Variants in KAZN observed in about 807,000 individuals in gnomAD.
KAZN encodes the protein kazrin, periplakin interacting protein.
In KAZN, 40 loss-of-function variants were observed where a neutral mutation model predicts 87.4. The observed-to-expected ratio is 0.46, with a 90% CI of 0.36 to 0.60. The LOEUF (loss-of-function observed/expected upper bound fraction) is 0.60. KAZN is among the 20% of genes least tolerant of loss of function. The pLI is 0.00. For missense variants in KAZN, 898 were observed against 1,073.9 expected (o/e 0.84, Z 2.29); for synonymous variants, 466 against 458.3 (o/e 1.02, Z -0.22).
intron 1 of KAZN, among the ~76,000 whole-genome samples, chr1:14,693,162 A>T (rs1382931544): frequency 1.3e-5 from 2 of 152,170 alleles, no homozygotes; most frequent in Non-Finnish European, 2.9e-5. Context: ...AGTGGTCCTC[A>T]AGGTTGTTTT....
chr1:15,079,549 C>T (rs1444640383), intron 8 of KAZN, among the ~76,000 whole-genome samples: 3 of 152,112 alleles, frequency 2.0e-5, no homozygotes, highest in Non-Finnish European at 4.4e-5. Context: ...CCACAGCCAT[C>T]CATCGCCCCC....
intron 2 of KAZN, among the ~76,000 whole-genome samples, chr1:14,589,592 A>C (rs754489548): frequency 6.6e-6 from 1 of 152,196 alleles, no homozygotes; most frequent in Non-Finnish European, 1.5e-5. Flanking sequence ...TGTTGGAATA[A>C]TTTAGTATTG....
At chr1:15,043,357 A>C (rs186368817) in intron 3 of KAZN, among the ~76,000 whole-genome samples, 25 of 152,354 alleles carry the variant, frequency 1.6e-4, no homozygotes, top group Middle Eastern at 6.8e-3. Flanking sequence ...ACGTGAAGTC[A>C]TTCAATCTTT....
chr1:14,562,935 C>A (rs1308605414), intron 2 of KAZN, among the ~76,000 whole-genome samples: 1 of 152,228 alleles, frequency 6.6e-6, no homozygotes, highest in East Asian at 1.9e-4. Flanking sequence ...TAAGACAACT[C>A]ATCTCCGAGG....
At chr1:14,849,785 C>A (rs866134733) in intron 1 of KAZN, among the ~76,000 whole-genome samples, 14 of 152,194 alleles carry the variant, frequency 9.2e-5, no homozygotes, top group Non-Finnish European at 2.1e-4. Context: ...CTGCCTTTAT[C>A]ATTCATCCAT....
chr1:15,006,582 C>T (rs1272886830), intron 2 of KAZN, among the ~76,000 whole-genome samples: 3 of 152,352 alleles, frequency 2.0e-5, no homozygotes, highest in African/African-American at 7.2e-5. Flanking sequence ...CACATATTTA[C>T]TGAATACCTA....
chr1:14,221,231 G>A (rs2100499761), intron 2 of KAZN, among the ~76,000 whole-genome samples: 1 of 152,178 alleles, frequency 6.6e-6, no homozygotes, highest in African/African-American at 2.4e-5. Flanking sequence ...TTTAGACTCA[G>A]TGCTTGACCT....
chr1:14,481,488 T>G (rs1433862451), intron 2 of KAZN, among the ~76,000 whole-genome samples: 1 of 152,128 alleles, frequency 6.6e-6, no homozygotes, highest in Non-Finnish European at 1.5e-5. Flanking sequence ...CCAAGTTCTA[T>G]CTCCTGAACC....
intron 2 of KAZN, among the ~76,000 whole-genome samples, chr1:14,320,916 C>G (rs922502432): frequency 6.6e-6 from 1 of 152,164 alleles, no homozygotes; most frequent in African/African-American, 2.4e-5. Context: ...TCTCTTCCAG[C>G]TCTAACAGTG....
At chr1:14,264,692 C>T (rs971513943) in intron 2 of KAZN, among the ~76,000 whole-genome samples, 2 of 152,154 alleles carry the variant, frequency 1.3e-5, no homozygotes, top group Non-Finnish European at 2.9e-5. Context: ...AATTTGTTTT[C>T]CTTATAAATT....
chr1:14,266,278 C>T (rs1651468437), intron 2 of KAZN, among the ~76,000 whole-genome samples: 2 of 152,180 alleles, frequency 1.3e-5, no homozygotes. Context: ...CAGGTTAAAA[C>T]CCAGCACTTT....
At chr1:14,395,024 C>T (rs757077504) in intron 2 of KAZN, among the ~76,000 whole-genome samples, 2 of 152,208 alleles carry the variant, frequency 1.3e-5, no homozygotes, top group Non-Finnish European at 2.9e-5. Flanking sequence ...TCTGCTTCCT[C>T]AGTGCCTAGC....
chr1:14,000,954 T>C (rs1639761456), intron 1 of KAZN, among the ~76,000 whole-genome samples: 2 of 151,890 alleles, frequency 1.3e-5, no homozygotes, highest in African/African-American at 4.8e-5. Flanking sequence ...GGCTAATTTT[T>C]TGTATTTTTA....
intron 2 of KAZN, among the ~76,000 whole-genome samples, chr1:14,574,813 T>C (rs1675080659): frequency 6.6e-6 from 1 of 152,118 alleles, no homozygotes; most frequent in South Asian, 2.1e-4. Flanking sequence ...AAACTGACAG[T>C]GGCAGGATCA....
chr1:14,170,665 C>T (rs193074657), intron 1 of KAZN, among the ~76,000 whole-genome samples: 3 of 152,266 alleles, frequency 2.0e-5, no homozygotes, highest in Admixed American at 2.0e-4. Context: ...CAAAAGGAAA[C>T]CCTGTACTCA....
chr1:14,999,946 A>T (rs10449296), intron 2 of KAZN, among the ~76,000 whole-genome samples: 67,143 of 152,036 alleles, frequency 0.44, 18,883 homozygotes, highest in African/African-American at 0.8. Context: ...AGCCTGTGGT[A>T]AGCTAAATAA....
chr1:14,977,474 G>A (rs12084008), intron 2 of KAZN, among the ~76,000 whole-genome samples: 28,450 of 152,136 alleles, frequency 0.19, 2,972 homozygotes, highest in African/African-American at 0.26. Context: ...CCCTGTCCTG[G>A]GCACTGACCT....
chr1:14,974,695 C>T (rs924366206), intron 2 of KAZN, among the ~76,000 whole-genome samples: 2 of 152,148 alleles, frequency 1.3e-5, no homozygotes, highest in Non-Finnish European at 2.9e-5. Context: ...TACTGAGTGA[C>T]AGAGTCCAGG....
chr1:15,018,404 G>T (rs1670340041), intron 2 of KAZN, among the ~76,000 whole-genome samples: 1 of 152,114 alleles, frequency 6.6e-6, no homozygotes, highest in African/African-American at 2.4e-5. Context: ...CCCTGGCTGG[G>T]GGTTGGTGGT....
Sources: allele counts gnomAD v4.1 joint callset (sites outside exome capture counted in the v4.1 genomes callset), GRCh38; gene constraint gnomAD v4.1.1; transcripts MANE v1.5; gene names NCBI Gene and HGNC (gene_info 2026-07-23, HGNC 2026-07-21).